The following CHEK1 variants were observed in gnomAD, a reference collection of about 807,000 sequenced individuals.
The protein encoded by CHEK1 is checkpoint kinase 1, also known as serine/threonine-protein kinase Chk1.
A neutral mutation model predicts 60.2 loss-of-function variants in CHEK1; 32 were observed. The observed-to-expected ratio is 0.53, with a 90% CI of 0.40 to 0.71. CHEK1 has a LOEUF of 0.71. CHEK1 is among the 30% of genes least tolerant of loss of function. The probability of loss-of-function intolerance (pLI) is 0.00; values close to 1 mark genes in which losing one functional copy is unlikely to be tolerated. For synonymous variants in CHEK1, 179 were observed against 187.2 expected (o/e 0.96, Z 0.36); for missense variants, 399 against 564.6 (o/e 0.71, Z 2.97).
intron 8 of CHEK1, among the ~76,000 whole-genome samples, chr11:125,638,428 A>G (rs928123302): frequency 1.3e-5 from 2 of 152,156 alleles, no homozygotes; most frequent in African/African-American, 4.8e-5. Context: ...ATGGAAGGAG[A>G]GAGGACAATG....
At chr11:125,642,825 T>C (rs1251395387) in intron 8 of CHEK1, 1 of 152,226 alleles carries the variant, frequency 6.6e-6, no homozygotes, top group Non-Finnish European at 1.5e-5. Context: ...CTTTATTTTT[T>C]CTCTGAAATG....
chr11:125,671,935 T>C lies in CHEK1; in HGVS notation c.*28-3993T>C, dbSNP rs533751591. ...ATCCTGTATAGATGATTCAGTAACATTGTGTGTGAAAAAAATGATTTAAGC... is the reference window on the plus strand; with the variant it reads ...ATCCTGTATAGATGATTCAGTAACACTGTGTGTGAAAAAAATGATTTAAGC... On this transcript the variant is annotated intron_variant, in intron 13 of 13. Coordinates refer to the CHEK1 transcript ENST00000428830. 1.9e-4 allele frequency: 29 copies of C among 152,278 alleles called. 1 individual carries two copies. Among genetic ancestry groups the C allele is most frequent in the African/African-American group, 6.5e-4 (27 of 41,544 alleles). The allele number at this position is 152,278 out of a possible 1,614,324, so 9.4% of individuals were successfully genotyped here.
At chr11:125,678,255 T>A (rs1565397008), downstream of CHEK1, 1 of 1,614,184 alleles carries the variant, frequency 6.2e-7, no homozygotes, top group Non-Finnish European at 8.5e-7. Flanking sequence ...TGAAGTTTGA[T>A]GATCTATGGA....
chr11:125,673,926 AG>A (rs1942347327), intron 13 of CHEK1, among the ~76,000 whole-genome samples: 1 of 152,144 alleles, frequency 6.6e-6, no homozygotes, highest in African/African-American at 2.4e-5. Context: ...TGGGAGGCCG[AG>A]GCAGGTGGAT....
At position 125,657,051 on chromosome 11, in the gene CHEK1, A is replaced by T. The variant is rs1242658815; in HGVS notation, c.*1731A>T. The T allele has an allele frequency of 5.4e-6, 1 of 185,496 alleles. No individual in the cohort carries two copies. Among genetic ancestry groups the T allele is most frequent in the Admixed American group, 6.2e-5 (1 of 16,062 alleles). 11.5% of individuals were successfully genotyped at this position (185,496 alleles called of 1,614,324 possible). A position where few individuals can be genotyped will look rare whatever the true frequency, so the allele number is the denominator to read the frequency against. On this transcript the variant is annotated 3_prime_UTR_variant, in exon 13 of 13. Transcript: ENST00000438015. ...ACAGAAAGGCATTCTGTAAATAATA[A>T]GTTGCCTTAATTTTCCTGTAATGTT...
At chr11:125,634,517 G>T (rs1940989694) in intron 6 of CHEK1, among the ~76,000 whole-genome samples, 1 of 151,720 alleles carries the variant, frequency 6.6e-6, no homozygotes, top group African/African-American at 2.4e-5. Context: ...TTCACAGACG[G>T]TCTCTCCATG....
chr11:125,677,876 C>T (rs762645932), downstream of CHEK1: 3 of 1,613,838 alleles, frequency 1.9e-6, no homozygotes, highest in Non-Finnish European at 2.5e-6. Flanking sequence ...CACCCGAGGC[C>T]TGCTCACCAG....
intron 8 of CHEK1, among the ~76,000 whole-genome samples, chr11:125,642,379 GTTATT>G (rs1462618376): frequency 6.6e-6 from 1 of 151,960 alleles, no homozygotes; most frequent in East Asian, 1.9e-4. Context: ...TTTATTTTAT[GTTATT>G]TTGTCTCTCC....
intron 13 of CHEK1, chr11:125,672,318 C>G (rs1300287942): frequency 3.4e-6 from 1 of 293,134 alleles, no homozygotes; most frequent in Non-Finnish European, 6.3e-6. Context: ...AAAAAAAGGT[C>G]TGTCTTGAGC....
At chr11:125,676,179 A>T (rs1942497670) in exon 14 of CHEK1, 1 of 731,572 alleles carries the variant, frequency 1.4e-6, no homozygotes, top group East Asian at 2.9e-5. Context: ...AAGTGCTGGG[A>T]TTTTAGGTGT....
intron 13 of CHEK1, among the ~76,000 whole-genome samples, chr11:125,669,543 T>A (rs4937017): frequency 8.1e-6 from 1 of 123,284 alleles, no homozygotes; most frequent in African/African-American, 3.0e-5. Flanking sequence ...TTTTTTTTTG[T>A]GATGAAGTCT....
intron 7 of CHEK1, 71 bp from the exon 8 acceptor site, chr11:125,637,378 T>C: frequency 8.2e-7 from 1 of 1,220,598 alleles, no homozygotes; most frequent in Non-Finnish European, 1.1e-6. Context: ...AGAAAATGTG[T>C]TTCTTACCTC....
At chr11:125,635,634 A>T (rs1027165823) in intron 7 of CHEK1, 101 bp downstream of exon 7, 1 of 705,708 alleles carries the variant, frequency 1.4e-6, no homozygotes, top group Non-Finnish European at 2.3e-6. Context: ...TAAACTTACA[A>T]ATAATTCATG....
Position 125,625,448 on chromosome 11 carries a change from C to G in CHEK1, c.-585C>G, listed in dbSNP as rs1940542743. ...TCCTCCCATTTCTTCACAGTCGGCT[C>G]TCAGCAGCTGCTGCTGGTTTCTCGG... is the stretch of plus-strand genomic sequence containing the variant. On this transcript the variant is annotated 5_prime_UTR_variant, in exon 1 of 13. Coordinates refer to ENST00000438015, the MANE Select transcript of CHEK1 (RefSeq NM_001114122.3). The G allele has an allele frequency of 6.0e-6, 2 of 332,938 alleles. No individual in the cohort carries two copies. Among genetic ancestry groups the G allele is most frequent in the African/African-American group, 2.1e-5 (1 of 48,452 alleles). The allele number at this position is 332,938 out of a possible 1,614,324, so 20.6% of individuals were successfully genotyped here. A position where few individuals can be genotyped will look rare whatever the true frequency, so the allele number is the denominator to read the frequency against.
chr11:125,642,155 A>T (rs1941334305), intron 8 of CHEK1, among the ~76,000 whole-genome samples: 1 of 152,122 alleles, frequency 6.6e-6, no homozygotes, highest in African/African-American at 2.4e-5. Flanking sequence ...TTATTCTCTT[A>T]CTTTCTTTGG....
intron 13 of CHEK1, among the ~76,000 whole-genome samples, chr11:125,665,158 G>A (rs751884139): frequency 5.3e-5 from 8 of 150,590 alleles, no homozygotes; most frequent in South Asian, 4.2e-4. Flanking sequence ...TTCCAGTATC[G>A]GTCTGTTTTG....
downstream of CHEK1, among the ~76,000 whole-genome samples, chr11:125,660,137 C>A (rs1419023997): frequency 3.3e-5 from 5 of 152,178 alleles, no homozygotes; most frequent in East Asian, 7.7e-4. Flanking sequence ...AATAAGGCTG[C>A]TGTGCACATT....
chr11:125,635,354 A>T (rs1941028124), intron 6 of CHEK1, 75 bp from the exon 7 acceptor site: 1 of 941,904 alleles, frequency 1.1e-6, no homozygotes, highest in Admixed American at 2.7e-5. Context: ...CTTTTCATGG[A>T]TTTATATTAT....
chr11:125,662,265 G>A (rs1323583161), intron 13 of CHEK1, among the ~76,000 whole-genome samples: 2 of 152,146 alleles, frequency 1.3e-5, no homozygotes, highest in African/African-American at 4.8e-5. Flanking sequence ...CCCCATAGAT[G>A]TCACCTTTTT....
Sources: gnomAD v4.1 joint callset for allele counts (sites outside exome capture counted in the v4.1 genomes callset) on GRCh38, gnomAD v4.1.1 for gene constraint, MANE v1.5 for transcripts, NCBI Gene and HGNC (gene_info 2026-07-23, HGNC 2026-07-21) for gene names.